Variants in C3orf49 observed in about 807,000 individuals in gnomAD.
C3orf49 encodes the protein putative uncharacterized protein C3orf49.
Under a neutral mutation model 13.3 loss-of-function variants are expected in C3orf49, and 27 were observed. That is an observed-to-expected ratio of 2.02 (90% confidence interval 1.49 to 2.79). The LOEUF is 2.79. Among genes scored for constraint, C3orf49 ranks in the 30% most tolerant of loss-of-function variants. The pLI, the probability that C3orf49 is intolerant of heterozygous loss-of-function variation, is 0.00. For missense variants in C3orf49, 242 were observed against 134.2 expected, an observed-to-expected ratio of 1.80 and a Z score of -3.97; for synonymous variants, 87 against 47.6, an observed-to-expected ratio of 1.83 and a Z score of -3.40.
the C3orf49 span, among the ~76,000 whole-genome samples, chr3:63,788,186 T>G: frequency 6.6e-6 from 1 of 152,296 alleles, no homozygotes; most frequent in Non-Finnish European, 1.5e-5. Flanking sequence ...TGTTCCTTAA[T>G]GAATTCATTT....
chr3:63,812,847 TA>T, the C3orf49 span, among the ~76,000 whole-genome samples: 1 of 152,188 alleles, frequency 6.6e-6, no homozygotes, highest in African/African-American at 2.4e-5. Flanking sequence ...GTCTATAAAG[TA>T]AAAAATTTTA....
chr3:63,781,100 T>C, the C3orf49 span, among the ~76,000 whole-genome samples: 1 of 151,230 alleles, frequency 6.6e-6, no homozygotes, highest in Non-Finnish European at 1.5e-5. Flanking sequence ...CTAGGTTTTC[T>C]TCTAGGGTTT....
chr3:63,845,823 G>A (rs1021717161), intron 6 of C3orf49, among the ~76,000 whole-genome samples: 1 of 152,088 alleles, frequency 6.6e-6, no homozygotes, highest in African/African-American at 2.4e-5. Flanking sequence ...CCTTTTTTGT[G>A]TATAAGGTTT....
intron 5 of C3orf49, chr3:63,835,114 A>G: frequency 6.3e-7 from 1 of 1,598,594 alleles, no homozygotes; most frequent in Non-Finnish European, 8.6e-7. Context: ...TCATTTAAAA[A>G]ATCTTCATAA....
intron 1 of C3orf49, among the ~76,000 whole-genome samples, chr3:63,820,629 A>G (rs1701379922): frequency 6.6e-6 from 1 of 152,170 alleles, no homozygotes; most frequent in South Asian, 2.1e-4. Context: ...GTGTCACAGT[A>G]TGTGTATGTG....
At chr3:63,836,373 A>T in intron 5 of C3orf49, 1 of 1,610,332 alleles carries the variant, frequency 6.2e-7, no homozygotes, top group Non-Finnish European at 8.5e-7. Context: ...AAGACATAAA[A>T]ATATTTATCA....
the C3orf49 span, among the ~76,000 whole-genome samples, chr3:63,798,626 T>C: frequency 6.6e-6 from 1 of 152,140 alleles, no homozygotes; most frequent in East Asian, 1.9e-4. Context: ...AACTTGTTTT[T>C]CTGTGAATCA....
At chr3:63,786,390 T>C in the C3orf49 span, among the ~76,000 whole-genome samples, 1 of 152,180 alleles carries the variant, frequency 6.6e-6, no homozygotes, top group African/African-American at 2.4e-5. Context: ...CAGTATGTTA[T>C]CTGAACATTT....
chr3:63,832,332 T>TTTTAA (rs1701545698), intron 5 of C3orf49, among the ~76,000 whole-genome samples: 1 of 152,142 alleles, frequency 6.6e-6, no homozygotes. Context: ...TTCTACCCAA[T>TTTTAA]AGTCCTTTAA....
intron 5 of C3orf49, chr3:63,838,596 C>T (rs1324278182): frequency 4.1e-6 from 5 of 1,224,460 alleles, no homozygotes; most frequent in Admixed American, 2.7e-5. Flanking sequence ...TAAATTATAG[C>T]AAGTTCTGAG....
chr3:63,835,422 T>G, intron 5 of C3orf49: 2 of 1,601,904 alleles, frequency 1.2e-6, no homozygotes, highest in Non-Finnish European at 1.7e-6. Flanking sequence ...TACATTTTGC[T>G]GAATGGGGGA....
At chr3:63,828,121 T>C (rs921165489) in intron 3 of C3orf49, among the ~76,000 whole-genome samples, 1 of 152,234 alleles carries the variant, frequency 6.6e-6, no homozygotes, top group Non-Finnish European at 1.5e-5. Context: ...TTAGCCACAT[T>C]TGGCTTTGAG....
At chr3:63,813,855 G>A in the C3orf49 span, among the ~76,000 whole-genome samples, 1 of 152,178 alleles carries the variant, frequency 6.6e-6, no homozygotes, top group Admixed American at 6.5e-5. Flanking sequence ...CCCAAATCCT[G>A]GTAAAACTGG....
the C3orf49 span, among the ~76,000 whole-genome samples, chr3:63,813,179 A>C: frequency 1.2e-4 from 19 of 152,344 alleles, no homozygotes; most frequent in African/African-American, 4.3e-4. Flanking sequence ...ACTGGTAGAC[A>C]TATGGGTTGC....
chr3:63,808,018 AAGG>A, the C3orf49 span, among the ~76,000 whole-genome samples: 6 of 152,102 alleles, frequency 3.9e-5, no homozygotes, highest in East Asian at 7.7e-4. Context: ...TCTGGGGAGG[AAGG>A]AGGAGAACGA....
the C3orf49 span, among the ~76,000 whole-genome samples, chr3:63,785,611 G>T: frequency 0.013 from 1,913 of 152,232 alleles, 17 homozygotes; most frequent in Non-Finnish European, 0.018. Flanking sequence ...CTTAGGAGAT[G>T]GCATGTGTGT....
intron 6 of C3orf49, among the ~76,000 whole-genome samples, chr3:63,847,046 C>A (rs917457877): frequency 1.3e-5 from 2 of 152,076 alleles, no homozygotes; most frequent in African/African-American, 4.8e-5. Context: ...GCTAGAACGC[C>A]TCCTAGTTTG....
intron 2 of C3orf49, among the ~76,000 whole-genome samples, chr3:63,823,800 G>C (rs1701430837): frequency 1.3e-5 from 2 of 149,344 alleles, no homozygotes; most frequent in Non-Finnish European, 3.0e-5. Context: ...GTGTGTGTGT[G>C]TGTGTGTGTG....
chr3:63,796,922 G>A, the C3orf49 span, among the ~76,000 whole-genome samples: 1 of 151,834 alleles, frequency 6.6e-6, no homozygotes, highest in Non-Finnish European at 1.5e-5. Context: ...CAGGTGTCTG[G>A]TGGTCATGAA....
Sources: allele counts gnomAD v4.1 joint callset (sites outside exome capture counted in the v4.1 genomes callset), GRCh38; gene constraint gnomAD v4.1.1; transcripts MANE v1.5; gene names NCBI Gene and HGNC (gene_info 2026-07-23, HGNC 2026-07-21).